The following ATP8A2 variants were observed in gnomAD, a reference collection of about 807,000 sequenced individuals.
The protein encoded by ATP8A2 is ATPase phospholipid transporting 8A2.
In ATP8A2, 100 loss-of-function variants were observed where a neutral mutation model predicts 165.6. The observed-to-expected ratio is 0.60, with a 90% confidence interval of 0.51 to 0.71. ATP8A2 has a LOEUF of 0.71. Ranked by LOEUF, ATP8A2 falls within the 30% of genes least tolerant of loss-of-function variation. The pLI, the probability that ATP8A2 is intolerant of heterozygous loss-of-function variation, is 0.00. For synonymous variants in ATP8A2, 543 were observed against 548.8 expected (o/e 0.99, Z 0.15); for missense variants, 1,227 against 1,479.5 (o/e 0.83, Z 2.80).
chr13:25,620,045 G>GA, intron 24 of ATP8A2, among the ~76,000 whole-genome samples: 1 of 152,160 alleles, frequency 6.6e-6, no homozygotes, highest in South Asian at 2.1e-4. Flanking sequence ...AAAGGCAAGA[G>GA]AAAAAATAGG....
At chr13:25,866,493 G>C (rs1450407835) in intron 33 of ATP8A2, among the ~76,000 whole-genome samples, 1 of 152,124 alleles carries the variant, frequency 6.6e-6, no homozygotes, top group Non-Finnish European at 1.5e-5. Context: ...ACATTTTATA[G>C]GTTCTAAATG....
At chr13:25,746,724 A>G (rs1379038369) in intron 25 of ATP8A2, among the ~76,000 whole-genome samples, 11 of 152,216 alleles carry the variant, frequency 7.2e-5, no homozygotes, top group African/African-American at 2.4e-5. Context: ...TCGTCTCAAG[A>G]GCTAAAAATC....
rs1430792493 is a variant in ATP8A2 at position 25,530,639 on chromosome 13, C to G, written c.399C>G (p.Ile133Met). Reference protein sequence around the residue: ...PLIIILTIAGIKEIVEDFKRH... With the variant: ...PLIIILTIAGMKEIVEDFKRH... Reference sequence around the variant, plus strand: ...TCATTATTTTAACAATTGCAGGCATCAAAGAGATTGTAGAAGATTTTGTAA... The same window carrying G: ...TCATTATTTTAACAATTGCAGGCATGAAAGAGATTGTAGAAGATTTTGTAA... Residue 133 changes from isoleucine (I) to methionine (M), a missense_variant, in exon 4 of 37, where the codon ATC becomes ATG. Physicochemically the swap from Ile to Met is conservative, Grantham distance 10 (BLOSUM62 1). Around this residue, in one of 5 missense-constraint regions of ATP8A2, gnomAD observed 356 missense variants for 394.9 expected, o/e 0.90. Transcript: ENST00000381655. 1 of 1,588,034 alleles carries G rather than the reference C, an allele frequency of 6.3e-7. No homozygotes were observed. The highest frequency in any genetic ancestry group is 1.1e-5 in the South Asian group (1 of 88,082).
intron 33 of ATP8A2, among the ~76,000 whole-genome samples, chr13:25,951,424 T>A (rs1463131368): frequency 1.3e-5 from 2 of 152,224 alleles, no homozygotes; most frequent in African/African-American, 4.8e-5. Context: ...CATATGAAGT[T>A]TGAGAACAGG....
chr13:25,580,601 A>G (rs952673181), intron 22 of ATP8A2, among the ~76,000 whole-genome samples: 2 of 152,122 alleles, frequency 1.3e-5, no homozygotes, highest in Non-Finnish European at 2.9e-5. Context: ...TGGTGCAGCC[A>G]TAGGTCACTG....
At chr13:25,627,514 A>G (rs1238556526) in intron 24 of ATP8A2, among the ~76,000 whole-genome samples, 1 of 152,204 alleles carries the variant, frequency 6.6e-6, no homozygotes, top group Non-Finnish European at 1.5e-5. Flanking sequence ...TGTCCTTAGA[A>G]GAGAAACACC....
chr13:25,425,213 G>A (rs1222244754), intron 1 of ATP8A2, among the ~76,000 whole-genome samples: 1 of 152,050 alleles, frequency 6.6e-6, no homozygotes, highest in Admixed American at 6.6e-5. Flanking sequence ...ACTATCATTA[G>A]AGCACTTGGG....
At chr13:25,458,981 C>T (rs1230417835) in intron 1 of ATP8A2, among the ~76,000 whole-genome samples, 1 of 152,054 alleles carries the variant, frequency 6.6e-6, no homozygotes, top group African/African-American at 2.4e-5. Flanking sequence ...ACACAGATGC[C>T]CTTTGACAAA....
intron 33 of ATP8A2, among the ~76,000 whole-genome samples, chr13:25,864,183 A>G (rs1282695579): frequency 6.6e-6 from 1 of 152,144 alleles, no homozygotes; most frequent in Non-Finnish European, 1.5e-5. Context: ...GTGGTGATGG[A>G]CAATAGATGG....
intron 1 of ATP8A2, among the ~76,000 whole-genome samples, chr13:25,444,705 G>A (rs1208718620): frequency 1.3e-5 from 2 of 151,784 alleles, no homozygotes; most frequent in African/African-American, 2.4e-5. Flanking sequence ...GAGTGCAATG[G>A]TGTGATCTCA....
chr13:25,395,070 ACT>A (rs1266204831), intron 1 of ATP8A2, among the ~76,000 whole-genome samples: 1 of 151,940 alleles, frequency 6.6e-6, no homozygotes, highest in African/African-American at 2.4e-5. Flanking sequence ...ACATACAAAG[ACT>A]CTATGTCTTC....
intron 23 of ATP8A2, 87 bp from the exon 24 acceptor site, chr13:25,589,548 A>G: frequency 1.1e-6 from 1 of 952,358 alleles, no homozygotes; most frequent in Non-Finnish European, 1.7e-6. Context: ...AATAGGCTTA[A>G]AGTGGCAGAT....
At chr13:25,378,443 T>C (rs1269596082) in intron 1 of ATP8A2, among the ~76,000 whole-genome samples, 1 of 152,140 alleles carries the variant, frequency 6.6e-6, no homozygotes, top group African/African-American at 2.4e-5. Context: ...AAAGCTGCAT[T>C]CAGGAATATG....
intron 30 of ATP8A2, among the ~76,000 whole-genome samples, chr13:25,858,942 C>T (rs1487965406): frequency 2.0e-5 from 3 of 152,070 alleles, no homozygotes; most frequent in Admixed American, 6.5e-5. Context: ...CGGTGGCTCA[C>T]GCCTGTAATC....
chr13:25,918,962 C>T (rs920061559), intron 33 of ATP8A2, among the ~76,000 whole-genome samples: 2 of 152,212 alleles, frequency 1.3e-5, no homozygotes, highest in African/African-American at 4.8e-5. Flanking sequence ...GTTTAAAATA[C>T]TATTCCTCAT....
At chr13:25,513,442 C>T (rs1235753414) in intron 2 of ATP8A2, among the ~76,000 whole-genome samples, 2 of 151,226 alleles carry the variant, frequency 1.3e-5, no homozygotes, top group Admixed American at 6.6e-5. Context: ...GATGTGATGG[C>T]GGCCGGGAAG....
At chr13:25,429,728 A>T (rs1206467015) in intron 1 of ATP8A2, among the ~76,000 whole-genome samples, 1 of 152,182 alleles carries the variant, frequency 6.6e-6, no homozygotes. Context: ...CTTTGAGCCC[A>T]GCTGGGAAAG....
intron 35 of ATP8A2, among the ~76,000 whole-genome samples, chr13:26,003,734 A>C (rs551329270): frequency 3.3e-5 from 5 of 152,270 alleles, no homozygotes; most frequent in African/African-American, 7.2e-5. Flanking sequence ...ATTCTTCTGC[A>C]TGTGAATATC....
chr13:25,780,780 T>TC (rs891901001), intron 27 of ATP8A2, among the ~76,000 whole-genome samples: 3 of 151,898 alleles, frequency 2.0e-5, no homozygotes, highest in African/African-American at 7.3e-5. Context: ...GGGTTCATAC[T>TC]CCTGTGAGAA....
Sources: gnomAD v4.1 joint callset for allele counts (sites outside exome capture counted in the v4.1 genomes callset) on GRCh38, gnomAD v4.1.1 for gene constraint, gnomAD v4.1.1 regional missense constraint, MANE v1.5 for transcripts, NCBI Gene and HGNC (gene_info 2026-07-23, HGNC 2026-07-21) for gene names.